Variants in TG observed in about 807,000 individuals in gnomAD.
The protein encoded by TG is thyroid hormones.
TG carries 270 observed loss-of-function variants against 324.7 expected under a neutral mutation model. The ratio of observed to expected loss-of-function variants is 0.83; its 90% CI spans 0.75 to 0.92. TG has a LOEUF of 0.92. TG is among the 40% of genes least tolerant of loss of function. The pLI is 0.00. For missense variants in TG, 3,591 were observed against 3,456.4 expected (o/e 1.04, Z -0.98); for synonymous variants, 1,401 against 1,327.0 (o/e 1.06, Z -1.21).
chr8:132,941,697 A>C (rs923110097), intron 26 of TG, among the ~76,000 whole-genome samples, 155 bp downstream of exon 26: 1 of 152,182 alleles, frequency 6.6e-6, no homozygotes, highest in African/African-American at 2.4e-5. Flanking sequence ...TACACACATG[A>C]TACTCACATT....
At position 133,029,900 on chromosome 8, in the gene TG, A is replaced by T. The variant is rs1164809498; in HGVS notation, c.7116A>T (p.Gly2372=). ...ALTWVQTHIR[G]FGGDPRRVSL... ...CCTGGGTGCAGACCCACATCCGAGG[A>T]TTTGGCGGGGACCCTCGGCGCGTGT... The change falls in exon 41 of 48, where the codon GGA becomes GGT. Residue 2372 remains glycine, a synonymous_variant. Transcript: ENST00000220616. 3 of 1,614,148 alleles carry T rather than the reference A, an allele frequency of 1.9e-6. No individual in the cohort carries two copies. The highest frequency in any genetic ancestry group is 2.5e-6 in the Non-Finnish European group (3 of 1,180,034).
chr8:132,888,066 C>T lies in TG; in HGVS notation c.2259C>T (p.Pro753=). 6.2e-7 allele frequency: 1 copy of T among 1,614,178 alleles called. No individual in the cohort carries two copies. Among genetic ancestry groups the T allele is most frequent in the Non-Finnish European group, 8.5e-7 (1 of 1,180,038 alleles). The change falls in exon 10 of 48, where the codon CCC becomes CCT. Residue 753 remains proline, a synonymous_variant. Transcript: ENST00000220616. ...QALLSNSSML[P]TLSDTYIPQC... is the part of the protein sequence containing the mutation. ...TGCTCTCTAACTCCAGCATGCTACC[C>T]ACCCTTTCCGACACCTACATCCCAC...
At chr8:132,912,050 CAGAG>C (rs1192799802) in intron 19 of TG, among the ~76,000 whole-genome samples, 1 of 152,142 alleles carries the variant, frequency 6.6e-6, no homozygotes, top group East Asian at 1.9e-4. Context: ...CATTTCTGAC[CAGAG>C]AATGGGAGGC....
At position 133,039,039 on chromosome 8, in the gene TG, A is replaced by G. The variant is rs1016542800; in HGVS notation, c.7239+9016A>G. 5.3e-5 allele frequency among the ~76,000 whole-genome samples: 8 copies of G among 152,132 alleles called. No homozygotes were observed. In the East Asian group the frequency reaches 1.4e-3, roughly 26 times the overall value. On this transcript the variant is annotated intron_variant, in intron 41 of 47. Coordinates refer to ENST00000220616, the MANE Select transcript of TG (RefSeq NM_003235.5). ...ATTACAACCATCCACCACCACGCCC[A>G]GCTAATTTTTTGTATTTTGAGTAGA...
At chr8:133,008,630 G>A (rs1418094854) in intron 35 of TG, among the ~76,000 whole-genome samples, 1 of 152,234 alleles carries the variant, frequency 6.6e-6, no homozygotes, top group Non-Finnish European at 1.5e-5. Context: ...AGTCTGTGAT[G>A]TACTAACTCT....
intron 35 of TG, chr8:132,983,624 G>A: frequency 1.6e-6 from 1 of 615,224 alleles, no homozygotes; most frequent in Non-Finnish European, 2.9e-6. Flanking sequence ...GGAATGAAAT[G>A]ATTTGTGGAA....
rs1373339885 is a variant in TG at position 132,967,952 on chromosome 8, G to C, written c.5845G>C (p.Ala1949Pro). ...ACTGATCCTGCCTCAGATGCCAAAG[G>C]CCCTGTTCCGGAAGAAAGGTGAGCA... is the stretch of plus-strand genomic sequence containing the variant. ...CRLILPQMPK[A>P]LFRKKVILED... is the part of the protein sequence containing the mutation. Residue 1949 changes from alanine (A) to proline (P), a missense_variant, in exon 31 of 48, where the codon GCC (alanine) becomes CCC (proline). Coordinates refer to ENST00000220616, the MANE Select transcript of TG (RefSeq NM_003235.5). 1.2e-6 allele frequency: 2 copies of C among 1,613,674 alleles called. No individual in the cohort carries two copies. Among genetic ancestry groups the C allele is most frequent in the Non-Finnish European group, 1.7e-6 (2 of 1,179,830 alleles).
Position 132,933,715 on chromosome 8 carries a change from C to A in TG, c.4932+39C>A, listed in dbSNP as rs774538857. On this transcript the variant is annotated intron_variant, in intron 24 of 47. Transcript: ENST00000220616. ...GCCACGTGTGGTTCTGCTCCTCATC[C>A]GCTGTGGATCAGATGTGCTCTGAGG... 14 of 1,576,148 alleles carry A rather than the reference C, an allele frequency of 8.9e-6. No individual in the cohort carries two copies. In the African/African-American group the frequency reaches 1.2e-4, roughly 14 times the overall value.
At chr8:133,069,306 G>A (rs771344359) in intron 41 of TG, among the ~76,000 whole-genome samples, 4 of 152,190 alleles carry the variant, frequency 2.6e-5, no homozygotes, top group Non-Finnish European at 5.9e-5. Context: ...AGCAAGATGG[G>A]AATCAGCATT....
rs781451497 is a variant in TG, at chr8:132,893,683, C to A, written c.2762-7C>A. 13 of 1,613,378 alleles carry A rather than the reference C, an allele frequency of 8.1e-6. No individual in the cohort carries two copies. The highest frequency in any genetic ancestry group is 1.1e-5 in the Non-Finnish European group (13 of 1,179,808). ...TGAGTCCATCTGTGTTATTTTTATTCCCCTAGGTCCTGGCTCCTGTGAGGA... is the reference window on the plus strand; with the variant it reads ...TGAGTCCATCTGTGTTATTTTTATTACCCTAGGTCCTGGCTCCTGTGAGGA... On this transcript the variant is annotated splice_polypyrimidine_tract_variant and splice_region_variant and intron_variant, in intron 10 of 47. Transcript: ENST00000220616.
At chr8:132,961,740 G>A (rs1370138621) in intron 28 of TG, among the ~76,000 whole-genome samples, 1 of 149,138 alleles carries the variant, frequency 6.7e-6, no homozygotes, top group Non-Finnish European at 1.5e-5. Flanking sequence ...ACAGGTCATG[G>A]CCATATGTGC....
At chr8:133,075,034 A>G (rs1564156338) in intron 41 of TG, 2 of 985,418 alleles carry the variant, frequency 2.0e-6, no homozygotes, top group East Asian at 1.1e-4. Flanking sequence ...AACTGGCCGC[A>G]TACTTCCTCT....
chr8:132,972,914 G>T (rs920480443), intron 34 of TG, among the ~76,000 whole-genome samples, 173 bp downstream of exon 34: 1 of 152,202 alleles, frequency 6.6e-6, no homozygotes, highest in Non-Finnish European at 1.5e-5. Context: ...TTGAAAGTTT[G>T]CTCATTGACT....
intron 8 of TG, among the ~76,000 whole-genome samples, chr8:132,883,473 G>C (rs1487778914): frequency 2.6e-5 from 4 of 152,146 alleles, no homozygotes; most frequent in African/African-American, 9.7e-5. Flanking sequence ...AGCAAAATTA[G>C]AAGGACAGAA....
chr8:133,102,731 A>G lies in TG; in HGVS notation c.7572+6358A>G, dbSNP rs563837729. ...GTCTGCCTACATTATCCAGGCATTC[A>G]TTTGCATGATCAAAAGCAGATTTGT... is the stretch of plus-strand genomic sequence containing the variant. On this transcript the variant is annotated intron_variant, in intron 43 of 47. Transcript: ENST00000220616. 5 of 649,352 alleles carry G rather than the reference A, an allele frequency of 7.7e-6. No homozygotes were observed. The African/African-American group carries it at 9.0e-5, about 12-fold the overall frequency. The allele number at this position is 649,352 out of a possible 1,614,324, so 40.2% of individuals were successfully genotyped here.
rs1283592973 is a variant in TG at position 132,967,779 on chromosome 8, C to T, written c.5687-15C>T. ...CCCCACAAAAACTAAAATCACACTA[C>T]TCTCTTGCCTGTAGGTTGTGTGCAG... On this transcript the variant is annotated splice_polypyrimidine_tract_variant and intron_variant, in intron 30 of 47. Coordinates refer to ENST00000220616, the MANE Select transcript of TG (RefSeq NM_003235.5). 5 of 1,613,372 alleles carry T rather than the reference C, an allele frequency of 3.1e-6. No individual in the cohort carries two copies. The highest frequency in any genetic ancestry group is 2.7e-5 in the African/African-American group (2 of 75,000).
intron 21 of TG, 109 bp downstream of exon 21, chr8:132,919,634 G>T (rs1820844930): frequency 2.7e-6 from 4 of 1,497,600 alleles, no homozygotes; most frequent in Non-Finnish European, 2.8e-6. Flanking sequence ...ATAATTCTTT[G>T]TGCAGGGTTG....
chr8:133,107,246 A>G (rs1237287372), intron 43 of TG, among the ~76,000 whole-genome samples: 1 of 152,138 alleles, frequency 6.6e-6, no homozygotes, highest in African/African-American at 2.4e-5. Flanking sequence ...AGTCTCTCAA[A>G]TGCCAAATTT....
Position 132,921,630 on chromosome 8 carries a change from C to T in TG, c.4529-1708C>T, listed in dbSNP as rs1050297061. On this transcript the variant is annotated intron_variant, in intron 21 of 47. Transcript: ENST00000220616. The stretch of plus-strand genomic sequence containing the variant: ...TTGGTGTTAGGTTAGCTTTTAGAAT[C>T]CCAACTCCTCTATATAGTTCAGGTC... Among the ~76,000 whole-genome samples, 104 of 152,292 alleles carry T rather than the reference C, an allele frequency of 6.8e-4. 1 individual carries two copies. The highest frequency in any genetic ancestry group is 7.4e-5 in the Non-Finnish European group (5 of 68,020).
Sources: gnomAD v4.1 joint callset for allele counts (sites outside exome capture counted in the v4.1 genomes callset) on GRCh38, gnomAD v4.1.1 for gene constraint, MANE v1.5 for transcripts, NCBI Gene and HGNC (gene_info 2026-07-23, HGNC 2026-07-21) for gene names.